TSPAN12: variants seen among roughly 807,000 people sequenced by gnomAD.
The protein encoded by TSPAN12 is tetraspanin 12.
Under a neutral mutation model 39.2 loss-of-function variants are expected in TSPAN12, and 19 were observed. The ratio of observed to expected loss-of-function variants is 0.49; its 90% CI spans 0.34 to 0.71. TSPAN12 has a LOEUF of 0.71. Ranked by LOEUF, TSPAN12 falls within the 30% of genes least tolerant of loss-of-function variation. The pLI, the probability that TSPAN12 is intolerant of heterozygous loss-of-function variation, is 0.01. For missense variants in TSPAN12, 314 were observed against 359.9 expected, an observed-to-expected ratio of 0.87 and a Z score of 1.03; for synonymous variants, 119 against 124.8, an observed-to-expected ratio of 0.95 and a Z score of 0.31.
At chr7:120,806,794 A>G (rs758967578) in intron 6 of TSPAN12, 102 bp from the exon 7 acceptor site, 41 of 1,394,386 alleles carry the variant, frequency 2.9e-5, no homozygotes, top group Non-Finnish European at 3.8e-5. Context: ...ACCCAGAGCT[A>G]TATCTGTCAT....
At chr7:120,791,745 T>G (rs1056955447) in intron 7 of TSPAN12, among the ~76,000 whole-genome samples, 3 of 152,234 alleles carry the variant, frequency 2.0e-5, no homozygotes, top group African/African-American at 7.2e-5. Context: ...CAGTTTATCT[T>G]AAACAATCAC....
At chr7:120,857,641 G>A (rs1319864233) in intron 1 of TSPAN12, among the ~76,000 whole-genome samples, 179 bp downstream of exon 1, 1 of 152,114 alleles carries the variant, frequency 6.6e-6, no homozygotes, top group Non-Finnish European at 1.5e-5. Flanking sequence ...CACAAAGCGA[G>A]CGCGGCCACC....
At chr7:120,827,447 T>C (rs1317707680) in intron 4 of TSPAN12, among the ~76,000 whole-genome samples, 4 of 152,212 alleles carry the variant, frequency 2.6e-5, no homozygotes, top group Non-Finnish European at 5.9e-5. Flanking sequence ...ACATAATTAT[T>C]TGTGAATGTT....
chr7:120,837,398 G>A (rs1195052749), intron 4 of TSPAN12, among the ~76,000 whole-genome samples: 1 of 149,992 alleles, frequency 6.7e-6, no homozygotes, highest in Non-Finnish European at 1.5e-5. Flanking sequence ...TGCAACCTCC[G>A]CCTCCCGGGT....
chr7:120,847,233 C>CAAAA (rs76785160), intron 2 of TSPAN12, among the ~76,000 whole-genome samples: 11 of 107,548 alleles, frequency 1.0e-4, no homozygotes, highest in African/African-American at 4.0e-4. Context: ...AGCTATATGA[C>CAAAA]AAAAAAAAAA....
At chr7:120,806,445 A>G in intron 7 of TSPAN12, 104 bp downstream of exon 7, 1 of 1,349,878 alleles carries the variant, frequency 7.4e-7, no homozygotes, top group South Asian at 1.3e-5. Flanking sequence ...AAGGCCTTTT[A>G]CATTTAGACA....
chr7:120,846,467 AATTC>A (rs1485798793), intron 2 of TSPAN12, among the ~76,000 whole-genome samples: 2 of 152,182 alleles, frequency 1.3e-5, no homozygotes, highest in African/African-American at 4.8e-5. Flanking sequence ...CATAGTGTAC[AATTC>A]ATTATCAGTT....
intron 2 of TSPAN12, among the ~76,000 whole-genome samples, chr7:120,849,840 G>A (rs1183008449): frequency 1.3e-5 from 2 of 152,122 alleles, no homozygotes; most frequent in Non-Finnish European, 2.9e-5. Context: ...TCCTGCCTTG[G>A]CCTCCCAAGT....
chr7:120,834,524 T>C (rs1378187620), intron 4 of TSPAN12, among the ~76,000 whole-genome samples: 4 of 152,196 alleles, frequency 2.6e-5, no homozygotes, highest in African/African-American at 4.8e-5. Flanking sequence ...TTGATCAGTC[T>C]GTTGAATAAT....
chr7:120,822,804 G>C (rs1160358052), intron 4 of TSPAN12, among the ~76,000 whole-genome samples: 1 of 152,118 alleles, frequency 6.6e-6, no homozygotes, highest in African/African-American at 2.4e-5. Flanking sequence ...CACTAAAATA[G>C]AGAGTCAGGA....
rs946984097 is a variant in TSPAN12, at chr7:120,857,898, A to G, written c.-149T>C. On this transcript the variant is annotated 5_prime_UTR_variant, in exon 1 of 8. Transcript: ENST00000222747. ...CGGCGGGGGCTCATCGGGGCAGGGA[A>G]CTTCTTCGCGGAGAGCCGGAGGGCT... The G allele has an allele frequency of 1.3e-5, 2 of 151,848 alleles. No homozygotes were observed. The highest frequency in any genetic ancestry group is 2.9e-5 in the Non-Finnish European group (2 of 68,102). The allele number at this position is 151,848 out of a possible 1,614,324, so 9.4% of individuals were successfully genotyped here. A position where few individuals can be genotyped will look rare whatever the true frequency, so the allele number is the denominator to read the frequency against.
chr7:120,828,909 C>A (rs892523392), intron 4 of TSPAN12, among the ~76,000 whole-genome samples: 2 of 152,030 alleles, frequency 1.3e-5, no homozygotes, highest in African/African-American at 4.8e-5. Context: ...AAGTTGCTAT[C>A]ATTTAATAAA....
Position 120,810,148 on chromosome 7 carries a change from G to A in TSPAN12, c.468+315C>T, listed in dbSNP as rs529352562. 4.1e-3 allele frequency among the ~76,000 whole-genome samples: 621 copies of A among 152,168 alleles called. 2 individuals carry two copies. The highest frequency in any genetic ancestry group is 7.1e-3 in the Non-Finnish European group (481 of 67,988). On this transcript the variant is annotated intron_variant, in intron 6 of 7. Transcript: ENST00000222747. ...CTAAAAGTCATGAAAAAATCTATTT[G>A]TCTGGAACTTGGATATTTATCAAGT...
At chr7:120,804,806 C>T (rs1042370110) in intron 7 of TSPAN12, among the ~76,000 whole-genome samples, 3 of 152,002 alleles carry the variant, frequency 2.0e-5, no homozygotes, top group Non-Finnish European at 2.9e-5. Flanking sequence ...GACTGTTGTT[C>T]TTATAAAATG....
At chr7:120,791,235 A>G (rs1426679642) in intron 7 of TSPAN12, among the ~76,000 whole-genome samples, 2 of 152,024 alleles carry the variant, frequency 1.3e-5, no homozygotes, top group Non-Finnish European at 2.9e-5. Flanking sequence ...AGGCTGAGAC[A>G]TGAGAATTGC....
intron 5 of TSPAN12, chr7:120,814,210 C>T (rs1455235271): frequency 2.2e-6 from 1 of 456,680 alleles, no homozygotes; most frequent in Non-Finnish European, 4.4e-6. Context: ...GAAATGACTT[C>T]TATTTTACTG....
At chr7:120,828,314 G>A (rs1421961903) in intron 4 of TSPAN12, among the ~76,000 whole-genome samples, 1 of 152,184 alleles carries the variant, frequency 6.6e-6, no homozygotes, top group African/African-American at 2.4e-5. Flanking sequence ...AACAGATCGT[G>A]CTTCTGCTCA....
chr7:120,809,978 C>T (rs372179484), intron 6 of TSPAN12, among the ~76,000 whole-genome samples: 8 of 152,076 alleles, frequency 5.3e-5, no homozygotes, highest in Non-Finnish European at 1.2e-4. Flanking sequence ...TATAGAAGCT[C>T]ACTTAATAGC....
intron 7 of TSPAN12, among the ~76,000 whole-genome samples, chr7:120,795,639 T>C (rs1793614161): frequency 6.6e-6 from 1 of 152,206 alleles, no homozygotes; most frequent in South Asian, 2.1e-4. Context: ...ATTAATATTT[T>C]TGTAAATAAA....
Sources: allele counts gnomAD v4.1 joint callset (sites outside exome capture counted in the v4.1 genomes callset), GRCh38; gene constraint gnomAD v4.1.1; transcripts MANE v1.5; gene names NCBI Gene and HGNC (gene_info 2026-07-23, HGNC 2026-07-21).